CACNG2: variants seen among roughly 807,000 people sequenced by gnomAD.
The protein encoded by CACNG2 is voltage-dependent calcium channel gamma-2 subunit.
Under a neutral mutation model 25.9 loss-of-function variants are expected in CACNG2, and 3 were observed. That is an observed-to-expected ratio of 0.12 (90% CI 0.05 to 0.30). The LOEUF is 0.30. Among genes scored for constraint, CACNG2 ranks in the 10% least tolerant of loss-of-function variants. The pLI is 1.00. For missense variants in CACNG2, 341 were observed against 432.5 expected, an observed-to-expected ratio of 0.79 and a Z score of 1.88; for synonymous variants, 167 against 173.3, an observed-to-expected ratio of 0.96 and a Z score of 0.29.
intron 1 of CACNG2, among the ~76,000 whole-genome samples, chr22:36,655,801 T>C (rs1201651424): frequency 1.3e-5 from 2 of 150,572 alleles, no homozygotes; most frequent in Admixed American, 1.3e-4. Flanking sequence ...TCCTTCTTTC[T>C]TCTTTCTTTC....
intron 1 of CACNG2, among the ~76,000 whole-genome samples, chr22:36,626,484 C>G (rs747756807): frequency 6.6e-6 from 1 of 151,980 alleles, no homozygotes; most frequent in African/African-American, 2.4e-5. Context: ...TCCTTCTTCC[C>G]GCTCCTCCTC....
intron 1 of CACNG2, among the ~76,000 whole-genome samples, chr22:36,692,566 T>C (rs752813493): frequency 6.6e-6 from 1 of 152,116 alleles, no homozygotes; most frequent in Non-Finnish European, 1.5e-5. Flanking sequence ...CAGCATGTGG[T>C]TTCAGCCAAG....
chr22:36,697,149 T>A (rs893990656), intron 1 of CACNG2, among the ~76,000 whole-genome samples: 1 of 152,156 alleles, frequency 6.6e-6, no homozygotes, highest in Non-Finnish European at 1.5e-5. Flanking sequence ...GCATTAGAAA[T>A]TGACTGCTGC....
chr22:36,585,730 T>A (rs1191561647), intron 2 of CACNG2, among the ~76,000 whole-genome samples: 2 of 152,202 alleles, frequency 1.3e-5, no homozygotes, highest in Non-Finnish European at 2.9e-5. Flanking sequence ...TTGGATTAAG[T>A]CAACTCAAAT....
chr22:36,563,594 C>A lies in CACNG2; in HGVS notation c.*757G>T, dbSNP rs962573692. Among the ~76,000 whole-genome samples the A allele has an allele frequency of 2.0e-5, 3 of 152,122 alleles. No homozygotes were observed. The highest frequency in any genetic ancestry group is 7.2e-5 in the African/African-American group (3 of 41,424). ...CCCCAAGTGTACCCCCCTCCAGGCA[C>A]CCTAACGGAGAGGAGGGACAAGGGC... On this transcript the variant is annotated 3_prime_UTR_variant, in exon 4 of 4. Transcript: ENST00000300105.
intron 1 of CACNG2, among the ~76,000 whole-genome samples, chr22:36,691,848 A>G (rs958794134): frequency 6.6e-6 from 1 of 152,214 alleles, no homozygotes; most frequent in Admixed American, 6.5e-5. Flanking sequence ...TTAGTATTGA[A>G]GTGATGGCAG....
At chr22:36,620,657 A>G (rs1415063908) in intron 1 of CACNG2, among the ~76,000 whole-genome samples, 3 of 152,150 alleles carry the variant, frequency 2.0e-5, no homozygotes, top group Non-Finnish European at 4.4e-5. Flanking sequence ...CATCTGTAAA[A>G]TGGTGCTAGT....
At chr22:36,667,900 C>A (rs1016778474) in intron 1 of CACNG2, among the ~76,000 whole-genome samples, 1 of 152,150 alleles carries the variant, frequency 6.6e-6, no homozygotes, top group Non-Finnish European at 1.5e-5. Context: ...AACAGTTCAT[C>A]CACGCTGTTA....
intron 1 of CACNG2, among the ~76,000 whole-genome samples, chr22:36,679,146 C>G (rs1403348507): frequency 1.7e-5 from 1 of 58,982 alleles, no homozygotes; most frequent in African/African-American, 6.5e-5. Context: ...CCCTTCCTTC[C>G]TTCCTTCCTT....
intron 1 of CACNG2, among the ~76,000 whole-genome samples, chr22:36,655,659 T>C (rs935174205): frequency 2.7e-5 from 4 of 150,436 alleles, no homozygotes; most frequent in African/African-American, 1.0e-4. Context: ...AGACTTTCTT[T>C]CTTTTCTTTC....
rs765451812 is a variant in CACNG2 at position 36,564,864 on chromosome 22, G to A, written c.459C>T (p.Ile153=). ...CGGCATTGGCAGATATGTACACTAT[G>A]ATGCCAATGATGTTACTCAGACCTG... The part of the protein sequence containing the change: ...VSAGLSNIIG[I]IVYISANAGD... The change falls in exon 4 of 4, where the codon ATC becomes ATT. Residue 153 remains isoleucine, a synonymous_variant. Transcript: ENST00000300105. This position sits in a 1 kb window ranked among gnomAD's most constrained non-coding sequence, Gnocchi z 6.7. The A allele has an allele frequency of 6.2e-7, 1 of 1,613,538 alleles. No individual in the cohort carries two copies. The highest frequency in any genetic ancestry group is 8.5e-7 in the Non-Finnish European group (1 of 1,179,928).
rs1250498830 is a variant in CACNG2, at chr22:36,676,497, G to A, written c.211+25869C>T. Among the ~76,000 whole-genome samples, 4 of 152,180 alleles carry A rather than the reference G, an allele frequency of 2.6e-5. No homozygotes were observed. The East Asian group carries it at 7.7e-4, about 29-fold the overall frequency. On this transcript the variant is annotated intron_variant, in intron 1 of 3. Transcript: ENST00000300105. Reference sequence around the variant, plus strand: ...AAATGAGAAATAGGAGGCTCAGAGAGGCTAAACAACTGGCCTAAGGTCACC... The same window carrying A: ...AAATGAGAAATAGGAGGCTCAGAGAAGCTAAACAACTGGCCTAAGGTCACC...
At chr22:36,692,540 G>A (rs886682928) in intron 1 of CACNG2, among the ~76,000 whole-genome samples, 1 of 152,242 alleles carries the variant, frequency 6.6e-6, no homozygotes, top group Non-Finnish European at 1.5e-5. Context: ...ACACCTGCTT[G>A]TTACCAAGCG....
chr22:36,657,103 G>T (rs976874967), intron 1 of CACNG2, among the ~76,000 whole-genome samples: 1 of 152,220 alleles, frequency 6.6e-6, no homozygotes, highest in Non-Finnish European at 1.5e-5. Context: ...GGTAGTGGTT[G>T]GGTTGCTTCC....
At chr22:36,619,900 T>C (rs879777588) in intron 1 of CACNG2, among the ~76,000 whole-genome samples, 1 of 152,276 alleles carries the variant, frequency 6.6e-6, no homozygotes, top group Non-Finnish European at 1.5e-5. Flanking sequence ...GACATGTTTA[T>C]CAATCTGTTA....
At position 36,702,592 on chromosome 22, in the gene CACNG2, A is replaced by G. The variant is rs756384773; in HGVS notation, c.-16T>C. 1 of 1,607,304 alleles carries G rather than the reference A, an allele frequency of 6.2e-7. No homozygotes were observed. The highest frequency in any genetic ancestry group is 1.7e-5 in the Admixed American group (1 of 60,012). ...ACAGCCCCATAATTCTTCATTATAT[A>G]AACACCCAACCGACTTCTGGTTCTC... On this transcript the variant is annotated 5_prime_UTR_variant, in exon 1 of 4. Transcript: ENST00000300105.
intron 1 of CACNG2, among the ~76,000 whole-genome samples, chr22:36,669,059 T>C (rs1451176161): frequency 6.6e-6 from 1 of 152,076 alleles, no homozygotes; most frequent in Admixed American, 6.6e-5. Flanking sequence ...GAAATAATGT[T>C]CTACCAGCGA....
intron 2 of CACNG2, 58 bp downstream of exon 2, chr22:36,587,407 G>T: frequency 8.0e-7 from 1 of 1,250,020 alleles, no homozygotes; most frequent in South Asian, 1.2e-5. Context: ...ACTCTGTGAA[G>T]GATGGAAGGG....
intron 2 of CACNG2, among the ~76,000 whole-genome samples, chr22:36,582,213 G>T (rs73171810): frequency 0.19 from 28,580 of 152,000 alleles, 3,105 homozygotes; most frequent in South Asian, 0.29. Flanking sequence ...AAGTGAGATG[G>T]TGTCTGTCAA....
Sources: gnomAD v4.1 joint callset for allele counts (sites outside exome capture counted in the v4.1 genomes callset) on GRCh38, gnomAD v4.1.1 for gene constraint, Gnocchi (gnomAD v3.1) non-coding constraint, MANE v1.5 for transcripts, NCBI Gene and HGNC (gene_info 2026-07-23, HGNC 2026-07-21) for gene names.